Variants in ATP10A observed in about 807,000 individuals in gnomAD.
ATP10A encodes the protein phospholipid-transporting ATPase VA.
Under a neutral mutation model 147.8 loss-of-function variants are expected in ATP10A, and 111 were observed. The ratio of observed to expected loss-of-function variants is 0.75; its 90% CI spans 0.64 to 0.88. The LOEUF is 0.88. Among genes scored for constraint, ATP10A ranks in the 40% least tolerant of loss-of-function variants. ATP10A has a pLI of 0.00. For synonymous variants in ATP10A, 875 were observed against 841.6 expected (o/e 1.04, Z -0.69); for missense variants, 1,927 against 1,959.0 (o/e 0.98, Z 0.31).
chr15:25,743,736 A>T (rs970033157), intron 2 of ATP10A, among the ~76,000 whole-genome samples: 7 of 152,216 alleles, frequency 4.6e-5, no homozygotes, highest in African/African-American at 1.7e-4. Flanking sequence ...GCTACAGTCA[A>T]GGAGTTGGCA....
At chr15:25,695,764 G>A (rs1183423122) in intron 13 of ATP10A, among the ~76,000 whole-genome samples, 4 of 152,158 alleles carry the variant, frequency 2.6e-5, no homozygotes, top group Admixed American at 6.5e-5. Context: ...TGGATAGTTA[G>A]ACTGAAGGCC....
At chr15:25,702,211 C>T in intron 12 of ATP10A, 111 bp from the exon 13 acceptor site, 1 of 1,151,550 alleles carries the variant, frequency 8.7e-7, no homozygotes, top group Non-Finnish European at 1.2e-6. Context: ...CTGGTACAGC[C>T]CCTGTTGCCT....
intron 1 of ATP10A, among the ~76,000 whole-genome samples, chr15:25,800,023 C>T (rs754051234): frequency 6.6e-6 from 1 of 152,084 alleles, no homozygotes; most frequent in African/African-American, 2.4e-5. Context: ...GGAGGAAAAG[C>T]GACAAAGAAC....
chr15:25,785,807 G>A (rs1434071940), intron 1 of ATP10A, among the ~76,000 whole-genome samples: 2 of 152,178 alleles, frequency 1.3e-5, no homozygotes, highest in East Asian at 1.9e-4. Context: ...ATCGTTGAAT[G>A]GGCATCCAGT....
At chr15:25,734,773 G>T (rs1463775649) in intron 3 of ATP10A, among the ~76,000 whole-genome samples, 1 of 152,150 alleles carries the variant, frequency 6.6e-6, no homozygotes, top group Non-Finnish European at 1.5e-5. Flanking sequence ...ATTCCAGTGG[G>T]TGACGGGGCC....
chr15:25,746,191 C>T (rs1374471477), intron 2 of ATP10A, among the ~76,000 whole-genome samples: 1 of 151,808 alleles, frequency 6.6e-6, no homozygotes, highest in East Asian at 1.9e-4. Flanking sequence ...CAAAGAGTAA[C>T]AAAAAGAAAG....
intron 7 of ATP10A, among the ~76,000 whole-genome samples, chr15:25,719,589 C>T (rs1902081825): frequency 6.6e-6 from 1 of 151,416 alleles, no homozygotes; most frequent in Non-Finnish European, 1.5e-5. Flanking sequence ...TGGTCCCGCA[C>T]ATCCGGAGCT....
Position 25,723,872 on chromosome 15 carries a change from C to T in ATP10A, c.1110+19G>A, listed in dbSNP as rs190055447. 210 of 1,554,768 alleles carry T rather than the reference C, an allele frequency of 1.4e-4. No homozygotes were observed. The East Asian group carries it at 3.8e-3, about 28-fold the overall frequency. On this transcript the variant is annotated intron_variant, in intron 6 of 20. Transcript: ENST00000555815. ...TCATAAAAGTAAAGCAATTATTGTA[C>T]GATACTTAGTATTGTTACCTGCAGA...
intron 2 of ATP10A, among the ~76,000 whole-genome samples, chr15:25,765,264 C>T (rs1888961615): frequency 6.6e-6 from 1 of 152,124 alleles, no homozygotes; most frequent in Non-Finnish European, 1.5e-5. Context: ...CCAATATTCT[C>T]CACTCCTCTA....
chr15:25,772,622 A>G (rs372975831), intron 2 of ATP10A, among the ~76,000 whole-genome samples: 32 of 152,310 alleles, frequency 2.1e-4, no homozygotes, highest in African/African-American at 7.0e-4. Context: ...TCTTTACCAC[A>G]CAAATGAAAG....
chr15:25,846,202 G>A (rs1334735186), intron 1 of ATP10A, among the ~76,000 whole-genome samples: 2 of 152,142 alleles, frequency 1.3e-5, no homozygotes, highest in South Asian at 2.1e-4. Flanking sequence ...TTCCGTTTGG[G>A]AGGATAAAAA....
chr15:25,742,112 G>A (rs865839379), intron 2 of ATP10A, among the ~76,000 whole-genome samples: 2 of 152,174 alleles, frequency 1.3e-5, no homozygotes, highest in Non-Finnish European at 2.9e-5. Context: ...TGGCCCAGCC[G>A]CTCATGGCGG....
At chr15:25,735,031 T>TG (rs1887194017) in intron 3 of ATP10A, among the ~76,000 whole-genome samples, 1 of 110,026 alleles carries the variant, frequency 9.1e-6, no homozygotes, top group Non-Finnish European at 2.0e-5. Flanking sequence ...GTGGGGGAAG[T>TG]GGGTGGGGCA....
At chr15:25,684,677 G>T (rs1017426366) in intron 16 of ATP10A, among the ~76,000 whole-genome samples, 1 of 152,134 alleles carries the variant, frequency 6.6e-6, no homozygotes, top group African/African-American at 2.4e-5. Flanking sequence ...TGGAGGGCAG[G>T]CACAGTCCCA....
At chr15:25,844,699 C>T (rs377209553) in intron 1 of ATP10A, among the ~76,000 whole-genome samples, 1 of 152,268 alleles carries the variant, frequency 6.6e-6, no homozygotes. Flanking sequence ...CCCTGAGAGG[C>T]TGCGGTGGGC....
At chr15:25,687,627 T>C (rs984566842) in intron 16 of ATP10A, 76 bp downstream of exon 16, 113 of 885,910 alleles carry the variant, frequency 1.3e-4, no homozygotes, top group Non-Finnish European at 2.5e-5. Context: ...TCCATCCTCC[T>C]TCGCCTCATT....
chr15:25,860,758 C>T (rs202022932), intron 1 of ATP10A, among the ~76,000 whole-genome samples: 1 of 152,156 alleles, frequency 6.6e-6, no homozygotes, highest in East Asian at 1.9e-4. Flanking sequence ...AAGAGAATAG[C>T]TTTTAGATCC....
At chr15:25,797,841 C>T (rs1890751286) in intron 1 of ATP10A, among the ~76,000 whole-genome samples, 1 of 152,096 alleles carries the variant, frequency 6.6e-6, no homozygotes, top group South Asian at 2.1e-4. Flanking sequence ...CCAGCACAGC[C>T]ATGCTACCCG....
chr15:25,779,169 GC>G (rs1359066505), intron 2 of ATP10A, among the ~76,000 whole-genome samples: 2 of 152,204 alleles, frequency 1.3e-5, no homozygotes, highest in Non-Finnish European at 2.9e-5. Context: ...GCGCCACCAT[GC>G]CCAGTAGAGG....
Sources: allele counts gnomAD v4.1 joint callset (sites outside exome capture counted in the v4.1 genomes callset), GRCh38; gene constraint gnomAD v4.1.1; transcripts MANE v1.5; gene names NCBI Gene and HGNC (gene_info 2026-07-23, HGNC 2026-07-21).